TENM2: variants seen among roughly 807,000 people sequenced by gnomAD.
TENM2 encodes teneurin transmembrane protein 2.
TENM2 carries 52 observed loss-of-function variants against 245.2 expected under a neutral mutation model. The ratio of observed to expected loss-of-function variants is 0.21; its 90% CI spans 0.17 to 0.27. TENM2 has a LOEUF of 0.27. TENM2 is among the 10% of genes least tolerant of loss of function. The pLI, the probability that TENM2 is intolerant of heterozygous loss-of-function variation, is 1.00. For missense variants in TENM2, 3,046 were observed against 3,666.8 expected, an observed-to-expected ratio of 0.83 and a Z score of 4.37; for synonymous variants, 1,363 against 1,438.9, an observed-to-expected ratio of 0.95 and a Z score of 1.19.
the TENM2 span, among the ~76,000 whole-genome samples, chr5:167,084,326 G>GAGA: frequency 1.5e-4 from 1 of 6,748 alleles, no homozygotes; most frequent in Non-Finnish European, 4.8e-4. Flanking sequence ...AGCCATTTTA[G>GAGA]TTATATATAT....
In TENM2 at chr5:167,758,420, T is replaced by C. The variant is rs941590747; in HGVS notation, c.503-117566T>C. On this transcript the variant is annotated intron_variant, in intron 2 of 28. Coordinates refer to ENST00000518659, the Ensembl canonical transcript of TENM2. ...TGGGAAGAGATCGAAGATCAGAAGA[T>C]AGAAGGTGGAAGAGAGAGAGGCAGG... 8.5e-5 allele frequency among the ~76,000 whole-genome samples: 13 copies of C among 152,206 alleles called. No individual in the cohort carries two copies. The East Asian group carries it at 1.4e-3, about 16-fold the overall frequency.
chr5:167,196,472 A>ATATATATATATGTGTG, the TENM2 span, among the ~76,000 whole-genome samples: 2 of 148,392 alleles, frequency 1.3e-5, no homozygotes, highest in African/African-American at 5.0e-5. Flanking sequence ...ATATGTGTGT[A>ATATATATATATGTGTG]TATATATATG....
intron 12 of TENM2, among the ~76,000 whole-genome samples, chr5:168,154,666 G>A (rs1048106770): frequency 3.3e-5 from 5 of 152,178 alleles, no homozygotes; most frequent in Non-Finnish European, 4.4e-5. Flanking sequence ...GAATCCAGGT[G>A]CATCCAGAAA....
At chr5:168,040,677 A>G (rs1478543259) in intron 5 of TENM2, among the ~76,000 whole-genome samples, 3 of 152,232 alleles carry the variant, frequency 2.0e-5, no homozygotes, top group African/African-American at 4.8e-5. Context: ...GTTATCCCAC[A>G]TAGTTTTGTT....
intron 1 of TENM2, among the ~76,000 whole-genome samples, chr5:167,347,142 A>G (rs78003366): frequency 3.0e-5 from 4 of 133,898 alleles, no homozygotes; most frequent in East Asian, 2.0e-4. Context: ...ATTACAAGAG[A>G]AAAAAAAAAA....
At chr5:167,970,051 C>T (rs1007609078) in intron 4 of TENM2, among the ~76,000 whole-genome samples, 31 of 152,220 alleles carry the variant, frequency 2.0e-4, no homozygotes, top group African/African-American at 7.5e-4. Context: ...CACAGCCCAG[C>T]TCATATTGCC....
chr5:167,623,098 A>G (rs897355225), intron 2 of TENM2, among the ~76,000 whole-genome samples: 2 of 152,156 alleles, frequency 1.3e-5, no homozygotes, highest in Admixed American at 1.3e-4. Context: ...TAAGATAGCA[A>G]AAGAGTGATA....
At chr5:167,485,380 G>T (rs6555753) in intron 2 of TENM2, among the ~76,000 whole-genome samples, 149,616 of 152,354 alleles carry the variant, frequency 0.98, 73,527 homozygotes, top group East Asian at 1. Flanking sequence ...TTGTTGGACT[G>T]TTATTTTCAA....
intron 2 of TENM2, among the ~76,000 whole-genome samples, chr5:167,640,115 A>T (rs953120261): frequency 1.3e-5 from 2 of 152,262 alleles, no homozygotes; most frequent in Admixed American, 1.3e-4. Context: ...GTTGAGATAT[A>T]TGTTTACACA....
intron 27 of TENM2, among the ~76,000 whole-genome samples, chr5:168,249,453 GGTGTGTGTGTGTGT>G (rs3084277): frequency 0.012 from 1,739 of 148,910 alleles, 22 homozygotes; most frequent in Admixed American, 0.018. Flanking sequence ...GTTCTCTCAA[GGTGTGTGTGTGTGT>G]GTGTGTGTGT....
the TENM2 span, among the ~76,000 whole-genome samples, chr5:167,097,683 G>A: frequency 6.6e-6 from 1 of 152,168 alleles, no homozygotes; most frequent in African/African-American, 2.4e-5. Context: ...GTTTATATAT[G>A]TACTCCAAAG....
At chr5:168,023,320 C>G (rs1171848411) in intron 5 of TENM2, among the ~76,000 whole-genome samples, 1 of 152,238 alleles carries the variant, frequency 6.6e-6, no homozygotes. Context: ...TTCCCCCCAT[C>G]CAGCTGGGTA....
chr5:167,157,553 C>T, the TENM2 span, among the ~76,000 whole-genome samples: 2 of 152,120 alleles, frequency 1.3e-5, no homozygotes, highest in East Asian at 1.9e-4. Context: ...GACTTTTAGA[C>T]GTGTAAGTTC....
At chr5:167,449,531 GATA>G (rs1765440518) in intron 2 of TENM2, among the ~76,000 whole-genome samples, 1 of 148,182 alleles carries the variant, frequency 6.7e-6, no homozygotes. Context: ...TAGATAGATA[GATA>G]GATAGATAGA....
At chr5:167,885,110 T>A (rs1774181166) in intron 3 of TENM2, among the ~76,000 whole-genome samples, 1 of 152,198 alleles carries the variant, frequency 6.6e-6, no homozygotes, top group Non-Finnish European at 1.5e-5. Flanking sequence ...TTTGTTGATA[T>A]TGTTGAGTTG....
At chr5:167,854,035 A>C (rs971379490) in intron 2 of TENM2, among the ~76,000 whole-genome samples, 3 of 152,182 alleles carry the variant, frequency 2.0e-5, no homozygotes, top group African/African-American at 7.2e-5. Flanking sequence ...TTATATATCA[A>C]CCAAAGGGTA....
At chr5:167,629,890 A>T (rs969835319) in intron 2 of TENM2, among the ~76,000 whole-genome samples, 1 of 151,714 alleles carries the variant, frequency 6.6e-6, no homozygotes, top group African/African-American at 2.4e-5. Context: ...GAGAAGGAGG[A>T]GGAGGAGGGG....
chr5:167,403,145 A>G (rs1319790729), intron 2 of TENM2, among the ~76,000 whole-genome samples: 6 of 149,910 alleles, frequency 4.0e-5, no homozygotes, highest in African/African-American at 1.2e-4. Flanking sequence ...GTGTGTGTGT[A>G]AGTGTGTGTG....
intron 1 of TENM2, among the ~76,000 whole-genome samples, chr5:167,345,001 G>T (rs549046224): frequency 6.6e-6 from 1 of 152,176 alleles, no homozygotes; most frequent in African/African-American, 2.4e-5. Flanking sequence ...CTCCTTAGAA[G>T]GCAGAGAGAG....
Sources: gnomAD v4.1 joint callset for allele counts (sites outside exome capture counted in the v4.1 genomes callset) on GRCh38, gnomAD v4.1.1 for gene constraint, MANE v1.5 for transcripts, NCBI Gene and HGNC (gene_info 2026-07-23, HGNC 2026-07-21) for gene names.